The following MEGF10 variants were observed in gnomAD, a reference collection of about 807,000 sequenced individuals.
The protein encoded by MEGF10 is multiple epidermal growth factor-like domains protein 10.
MEGF10 carries 86 observed loss-of-function variants against 147.5 expected under a neutral mutation model. That is an observed-to-expected ratio of 0.58 (90% CI 0.49 to 0.70). MEGF10 has a LOEUF of 0.70. Ranked by LOEUF, MEGF10 falls within the 30% of genes least tolerant of loss-of-function variation. The probability of loss-of-function intolerance (pLI) is 0.00; values close to 1 mark genes in which losing one functional copy is unlikely to be tolerated. For synonymous variants in MEGF10, 478 were observed against 525.5 expected, an observed-to-expected ratio of 0.91 and a Z score of 1.24; for missense variants, 1,329 against 1,487.3, an observed-to-expected ratio of 0.89 and a Z score of 1.75.
chr5:127,254,979 C>T, the MEGF10 span, among the ~76,000 whole-genome samples: 1 of 151,266 alleles, frequency 6.6e-6, no homozygotes, highest in African/African-American at 2.4e-5. Context: ...ATTTATTACT[C>T]AGATCAGCCT....
At position 127,457,640 on chromosome 5, in the gene MEGF10, G is replaced by T; in HGVS notation, c.*322G>T. 3.5e-6 allele frequency: 1 copy of T among 288,088 alleles called. No homozygotes were observed. Among genetic ancestry groups the T allele is most frequent in the Non-Finnish European group, 6.5e-6 (1 of 153,142 alleles). 17.8% of individuals were successfully genotyped at this position (288,088 alleles called of 1,614,324 possible). On this transcript the variant is annotated 3_prime_UTR_variant, in exon 25 of 25. Transcript: ENST00000503335. The stretch of plus-strand genomic sequence containing the variant: ...GGAGACGCAGGTTGCAGTGGACATT[G>T]GGATTGTTGCTTGAAAAATTAAAAT...
intron 4 of MEGF10, among the ~76,000 whole-genome samples, chr5:127,360,270 G>C (rs921812372): frequency 4.6e-5 from 7 of 151,866 alleles, no homozygotes; most frequent in Admixed American, 3.3e-4. Flanking sequence ...ATTGTAAATG[G>C]CTATTCAATT....
chr5:127,247,434 G>C, the MEGF10 span, among the ~76,000 whole-genome samples: 11 of 104,848 alleles, frequency 1.0e-4, no homozygotes, highest in African/African-American at 4.6e-4. Flanking sequence ...AGAAGAAGAA[G>C]AAGAAGAAGA....
the MEGF10 span, among the ~76,000 whole-genome samples, chr5:127,251,754 A>T: frequency 6.6e-6 from 1 of 152,054 alleles, no homozygotes; most frequent in Non-Finnish European, 1.5e-5. Context: ...TCGAAGTAAG[A>T]TATAAAACAT....
intron 8 of MEGF10, among the ~76,000 whole-genome samples, chr5:127,407,703 A>C (rs530101784): frequency 6.6e-6 from 1 of 152,320 alleles, no homozygotes; most frequent in African/African-American, 2.4e-5. Flanking sequence ...AGCAGCATTA[A>C]GGGCATAAAA....
In MEGF10 at chr5:127,438,525, T is replaced by A; in HGVS notation, c.2191T>A (p.Cys731Ser). 6.2e-7 allele frequency: 1 copy of A among 1,614,158 alleles called. No individual in the cohort carries two copies. Among genetic ancestry groups the A allele is most frequent in the Non-Finnish European group, 8.5e-7 (1 of 1,180,004 alleles). The change falls in exon 17 of 25, where the codon TGT becomes AGT. Residue 731 changes from cysteine to serine, a missense_variant. Physicochemically the swap from Cys to Ser is moderately radical, Grantham distance 112 (BLOSUM62 -1). Coordinates refer to ENST00000503335, the MANE Select transcript of MEGF10 (RefSeq NM_001256545.2). Reference sequence around the variant, plus strand: ...TTTCTGCAGCGCCTACGATGGGGAATGTAAATGCACTCCTGGCTGGACAGG... The same window carrying A: ...TTTCTGCAGCGCCTACGATGGGGAAAGTAAATGCACTCCTGGCTGGACAGG... ...GAFCSAYDGE[C>S]KCTPGWTGLY...
At chr5:127,418,861 T>G (rs1764875669) in intron 10 of MEGF10, among the ~76,000 whole-genome samples, 1 of 152,226 alleles carries the variant, frequency 6.6e-6, no homozygotes, top group Non-Finnish European at 1.5e-5. Flanking sequence ...TTAGTTCTGC[T>G]ATGAAGGCAA....
intron 1 of MEGF10, among the ~76,000 whole-genome samples, chr5:127,322,273 C>G (rs190264597): frequency 1.3e-5 from 2 of 152,174 alleles, no homozygotes; most frequent in African/African-American, 4.8e-5. Context: ...CATTGCCATT[C>G]CTGATCTGGC....
At chr5:127,251,276 A>T in the MEGF10 span, among the ~76,000 whole-genome samples, 1 of 152,060 alleles carries the variant, frequency 6.6e-6, no homozygotes, top group Non-Finnish European at 1.5e-5. Flanking sequence ...ATCTAGGAGG[A>T]GCAGTATGCA....
At chr5:127,259,556 C>G in the MEGF10 span, among the ~76,000 whole-genome samples, 1 of 152,144 alleles carries the variant, frequency 6.6e-6, no homozygotes, top group East Asian at 1.9e-4. Flanking sequence ...ATATAATGTC[C>G]ACATTCCTAC....
the MEGF10 span, among the ~76,000 whole-genome samples, chr5:127,240,506 T>C: frequency 5.6e-4 from 86 of 152,338 alleles, no homozygotes; most frequent in African/African-American, 2.0e-3. Flanking sequence ...TTTATCTTCA[T>C]AGAATTCCTT....
intron 5 of MEGF10, among the ~76,000 whole-genome samples, chr5:127,390,225 T>G (rs550229619): frequency 6.6e-6 from 1 of 152,302 alleles, no homozygotes; most frequent in South Asian, 2.1e-4. Context: ...TGCTGCATCC[T>G]TACCTAAATT....
intron 5 of MEGF10, among the ~76,000 whole-genome samples, chr5:127,378,479 G>A (rs1763117424): frequency 6.6e-6 from 1 of 152,100 alleles, no homozygotes; most frequent in Admixed American, 6.6e-5. Flanking sequence ...TTGAGACTGG[G>A]TCTTGCTCTG....
intron 16 of MEGF10, among the ~76,000 whole-genome samples, chr5:127,436,696 C>A (rs1765561987): frequency 6.6e-6 from 1 of 152,156 alleles, no homozygotes; most frequent in Non-Finnish European, 1.5e-5. Flanking sequence ...AAAATAGAAA[C>A]ACAACTATGA....
At chr5:127,370,141 TAC>T in intron 5 of MEGF10, 139 bp downstream of exon 5, 1 of 563,038 alleles carries the variant, frequency 1.8e-6, no homozygotes, top group Non-Finnish European at 3.2e-6. Flanking sequence ...AACTCAGTCA[TAC>T]AGTTTCTTTT....
the MEGF10 span, among the ~76,000 whole-genome samples, chr5:127,266,688 G>A: frequency 6.6e-6 from 1 of 152,112 alleles, no homozygotes; most frequent in Admixed American, 6.6e-5. Flanking sequence ...AAGCAATTGT[G>A]AATGGGAGTT....
At chr5:127,396,904 G>A in intron 6 of MEGF10, 126 bp downstream of exon 6, 15 of 1,382,864 alleles carry the variant, frequency 1.1e-5, no homozygotes, top group Non-Finnish European at 1.5e-5. Flanking sequence ...ATGGGTCTAG[G>A]CTGCAGGCAC....
At chr5:127,274,928 A>C in the MEGF10 span, among the ~76,000 whole-genome samples, 1 of 152,002 alleles carries the variant, frequency 6.6e-6, no homozygotes, top group Admixed American at 6.6e-5. Context: ...TTTTCTGGTC[A>C]TGTGTTTTGT....
At chr5:127,428,960 C>A (rs1261053912) in intron 13 of MEGF10, among the ~76,000 whole-genome samples, 1 of 152,216 alleles carries the variant, frequency 6.6e-6, no homozygotes, top group African/African-American at 2.4e-5. Flanking sequence ...CACGATCATT[C>A]AGCCATTGCC....
Sources: allele counts gnomAD v4.1 joint callset (sites outside exome capture counted in the v4.1 genomes callset), GRCh38; gene constraint gnomAD v4.1.1; transcripts MANE v1.5; gene names NCBI Gene and HGNC (gene_info 2026-07-23, HGNC 2026-07-21).